Variants in SDK2 observed in about 807,000 individuals in gnomAD.
The protein encoded by SDK2 is protein sidekick-2.
SDK2 carries 105 observed loss-of-function variants against 253.9 expected under a neutral mutation model. That is an observed-to-expected ratio of 0.41 (90% confidence interval 0.35 to 0.49). The LOEUF (loss-of-function observed/expected upper bound fraction) is 0.49, where lower values mean the gene tolerates loss of function less well. SDK2 is among the 20% of genes least tolerant of loss of function. The probability of loss-of-function intolerance (pLI) is 0.06; values close to 1 mark genes in which losing one functional copy is unlikely to be tolerated. For synonymous variants in SDK2, 1,249 were observed against 1,234.9 expected, an observed-to-expected ratio of 1.01 and a Z score of -0.24; for missense variants, 2,608 against 3,003.0, an observed-to-expected ratio of 0.87 and a Z score of 3.07.
chr17:73,597,552 G>A (rs766187803), intron 1 of SDK2, among the ~76,000 whole-genome samples: 43 of 152,222 alleles, frequency 2.8e-4, no homozygotes, highest in African/African-American at 8.4e-4. Flanking sequence ...CTCATGGAAC[G>A]ACAGGCTTCT....
At chr17:73,590,387 C>G (rs534475758) in intron 1 of SDK2, among the ~76,000 whole-genome samples, 2 of 152,352 alleles carry the variant, frequency 1.3e-5, no homozygotes, top group African/African-American at 4.8e-5. Context: ...GCTCAAAGGT[C>G]CCACAAGAAG....
Position 73,352,761 on chromosome 17 carries a change from A to C in SDK2, c.5594-124T>G. On this transcript the variant is annotated intron_variant, in intron 40 of 44. Transcript: ENST00000392650. The surrounding 1 kb of genome is among the most constrained non-coding windows in gnomAD (Gnocchi z 4.1). ...TTGGATCCTCCCTGCTCCACACTGA[A>C]TCGCAGGCCTTGGTCCTCCCTTGAA... is the stretch of plus-strand genomic sequence containing the variant. 1.0e-6 allele frequency: 1 copy of C among 967,618 alleles called. No homozygotes were observed. Among genetic ancestry groups the C allele is most frequent in the Non-Finnish European group, 1.5e-6 (1 of 649,032 alleles). 59.9% of individuals were successfully genotyped at this position (967,618 alleles called of 1,614,324 possible). A position where few individuals can be genotyped will look rare whatever the true frequency, so the allele number is the denominator to read the frequency against.
chr17:73,624,487 C>T (rs1339778378), intron 1 of SDK2, among the ~76,000 whole-genome samples: 1 of 151,978 alleles, frequency 6.6e-6, no homozygotes, highest in African/African-American at 2.4e-5. Flanking sequence ...GACTCTGTCT[C>T]CAAAAAAAGA....
chr17:73,368,364 G>A lies in SDK2; in HGVS notation c.5167+43C>T, dbSNP rs770189383. Reference sequence around the variant, plus strand: ...CAGGTAGGTCCTCTTGCAACCCCCCGTGGCCGACCTACCCCTCCCCTCCTC... The same window carrying A: ...CAGGTAGGTCCTCTTGCAACCCCCCATGGCCGACCTACCCCTCCCCTCCTC... On this transcript the variant is annotated intron_variant, in intron 37 of 44. Transcript: ENST00000392650. 24 of 1,394,978 alleles carry A rather than the reference G, an allele frequency of 1.7e-5. 1 individual carries two copies. The Admixed American group carries it at 1.7e-4, about 10-fold the overall frequency. The allele number at this position is 1,394,978 out of a possible 1,614,324, so 86.4% of individuals were successfully genotyped here.
rs752517423 is a variant in SDK2 at position 73,350,370 on chromosome 17, T to C, written c.5905A>G (p.Ser1969Gly). ...TGGCCTAGGGCTCCAGACTTGGCAC[T>C]GTTCCCTGAAGTCGGCGGGAGATTG... ...KYAKKTDSGN[S>G]AKSGALGHSE... The change falls in exon 43 of 45, where the codon AGT becomes GGT. Residue 1969 changes from serine (S) to glycine (G), a missense_variant. By Grantham distance (56) the Ser-to-Gly change is moderately conservative (BLOSUM62 0). Around this residue, in one of 2 missense-constraint regions of SDK2, gnomAD observed 1,103 missense variants for 1,143.9 expected, o/e 0.96. Transcript: ENST00000392650. 2 of 1,613,542 alleles carry C rather than the reference T, an allele frequency of 1.2e-6. No homozygotes were observed. Among genetic ancestry groups the C allele is most frequent in the South Asian group, 2.2e-5 (2 of 91,042 alleles).
intron 1 of SDK2, among the ~76,000 whole-genome samples, chr17:73,595,272 C>T (rs1400000597): frequency 1.3e-5 from 2 of 152,052 alleles, no homozygotes; most frequent in Admixed American, 1.3e-4. Context: ...TGGGGGAGAG[C>T]GTGGCCCTGT....
At chr17:73,539,361 C>T (rs115327193) in intron 1 of SDK2, among the ~76,000 whole-genome samples, 1 of 152,020 alleles carries the variant, frequency 6.6e-6, no homozygotes, top group African/African-American at 2.4e-5. Flanking sequence ...CTGGGAGCGC[C>T]GGGGCAGGGT....
At chr17:73,480,382 G>A (rs1354636158) in intron 2 of SDK2, among the ~76,000 whole-genome samples, 4 of 152,186 alleles carry the variant, frequency 2.6e-5, no homozygotes, top group African/African-American at 9.7e-5. Flanking sequence ...TTTGATCTAG[G>A]CCATGTTAAT....
chr17:73,371,665 A>C (rs1449859096), intron 36 of SDK2, among the ~76,000 whole-genome samples: 3 of 152,112 alleles, frequency 2.0e-5, no homozygotes, highest in African/African-American at 7.2e-5. Flanking sequence ...AACTGGAAGA[A>C]AATGTGAGGT....
In SDK2 at chr17:73,385,840, G is replaced by A; in HGVS notation, c.4569+7C>T. The A allele has an allele frequency of 1.9e-6, 3 of 1,602,410 alleles. No homozygotes were observed. The highest frequency in any genetic ancestry group is 2.3e-5 in the South Asian group (2 of 88,206). On this transcript the variant is annotated splice_region_variant and intron_variant, in intron 32 of 44. Coordinates refer to ENST00000392650, the MANE Select transcript of SDK2 (RefSeq NM_001144952.2). ...TTCACGGAGGTTTCCTGCCCGCTGG[G>A]CCATACCTGCCATCGGATTAGCACG...
rs2064190999 is a variant in SDK2 at position 73,533,842 on chromosome 17, CA to C, written c.65-26246del. ...AAGTGTCTCTTTGAGACTCTGCCCC[CA>C]AAGAAGGGTCATTATTGCTAATGCC... On this transcript the variant is annotated intron_variant, in intron 1 of 44. Transcript: ENST00000392650. 3.3e-5 allele frequency among the ~76,000 whole-genome samples: 5 copies of C among 152,292 alleles called. No homozygotes were observed. The South Asian group carries it at 1.0e-3, about 32-fold the overall frequency.
At chr17:73,390,949 T>G (rs551998958) in intron 28 of SDK2, among the ~76,000 whole-genome samples, 1 of 152,208 alleles carries the variant, frequency 6.6e-6, no homozygotes, top group East Asian at 1.9e-4. Flanking sequence ...ATTTTAAAGG[T>G]GAGGGCACTG....
chr17:73,502,001 A>G (rs1489388840), intron 2 of SDK2, among the ~76,000 whole-genome samples: 1 of 152,016 alleles, frequency 6.6e-6, no homozygotes, highest in African/African-American at 2.4e-5. Context: ...CTCTGACCCC[A>G]ATGATGGATG....
chr17:73,413,283 T>C (rs567238289), intron 18 of SDK2, among the ~76,000 whole-genome samples: 1 of 151,644 alleles, frequency 6.6e-6, no homozygotes, highest in African/African-American at 2.4e-5. Flanking sequence ...TGATGATCTG[T>C]CACTGTCTCC....
chr17:73,468,661 G>A (rs1344156889), intron 3 of SDK2, among the ~76,000 whole-genome samples: 1 of 151,726 alleles, frequency 6.6e-6, no homozygotes, highest in Admixed American at 6.6e-5. Context: ...ACAGGCATGT[G>A]CCACCACGCC....
intron 1 of SDK2, among the ~76,000 whole-genome samples, chr17:73,540,736 A>G (rs573538597): frequency 1.1e-3 from 169 of 152,336 alleles, no homozygotes; most frequent in Non-Finnish European, 1.9e-3. Flanking sequence ...CTGGGAGGAC[A>G]ACCATCAATT....
chr17:73,503,042 C>A (rs550041467), intron 2 of SDK2, among the ~76,000 whole-genome samples: 39 of 152,266 alleles, frequency 2.6e-4, no homozygotes, highest in African/African-American at 8.9e-4. Context: ...TATAACTGGA[C>A]AAACCCACAT....
intron 1 of SDK2, among the ~76,000 whole-genome samples, chr17:73,545,726 C>T (rs1468083620): frequency 6.6e-6 from 1 of 152,176 alleles, no homozygotes; most frequent in Non-Finnish European, 1.5e-5. Context: ...ATACAACCAT[C>T]AGCTACTCTC....
At chr17:73,493,339 G>A (rs11651898) in intron 2 of SDK2, among the ~76,000 whole-genome samples, 10,877 of 152,254 alleles carry the variant, frequency 0.071, 466 homozygotes, top group African/African-American at 0.1. Flanking sequence ...CATTAAAGGC[G>A]GCGGCGAGTG....
Sources: gnomAD v4.1 joint callset for allele counts (sites outside exome capture counted in the v4.1 genomes callset) on GRCh38, gnomAD v4.1.1 for gene constraint, gnomAD v4.1.1 regional missense constraint, Gnocchi (gnomAD v3.1) non-coding constraint, MANE v1.5 for transcripts, NCBI Gene and HGNC (gene_info 2026-07-23, HGNC 2026-07-21) for gene names.